The following ATP2B4 variants were observed in gnomAD, a reference collection of about 807,000 sequenced individuals.
ATP2B4 encodes the protein ATPase plasma membrane Ca2+ transporting 4, also known as plasma membrane calcium-transporting ATPase 4.
ATP2B4 carries 39 observed loss-of-function variants against 110.3 expected under a neutral mutation model. The observed-to-expected ratio is 0.35, with a 90% confidence interval of 0.27 to 0.46. The LOEUF is 0.46. Ranked by LOEUF, ATP2B4 falls within the 20% of genes least tolerant of loss-of-function variation. The pLI is 1.00. For missense variants in ATP2B4, 1,135 were observed against 1,530.9 expected, an observed-to-expected ratio of 0.74 and a Z score of 4.32; for synonymous variants, 538 against 571.7, an observed-to-expected ratio of 0.94 and a Z score of 0.84.
chr1:203,704,467 CTTTTTTTTTTT>C (rs35019828), intron 8 of ATP2B4, among the ~76,000 whole-genome samples: 769 of 68,754 alleles, frequency 0.011, 11 homozygotes, highest in Admixed American at 0.055. Context: ...AAGGAACAGT[CTTTTTTTTTTT>C]TTTTTTTTTT....
rs1438368230 is a variant in ATP2B4, at chr1:203,722,735, G to A, written c.3024+46G>A. On this transcript the variant is annotated intron_variant, in intron 18 of 20. Transcript: ENST00000357681. ...GGGGCAGGAGATCTGGAATGATAAA[G>A]GGCAGAAGCTGGGAGCCAGGGTTCC... 10 of 1,588,070 alleles carry A rather than the reference G, an allele frequency of 6.3e-6. 1 individual carries two copies. Among genetic ancestry groups the A allele is most frequent in the South Asian group, 2.2e-5 (2 of 89,716 alleles).
intron 20 of ATP2B4, among the ~76,000 whole-genome samples, chr1:203,735,925 A>C (rs1666866580): frequency 6.6e-6 from 1 of 152,212 alleles, no homozygotes; most frequent in Non-Finnish European, 1.5e-5. Flanking sequence ...CTTGTAGAGC[A>C]GCTGGTAGAG....
intron 17 of ATP2B4, among the ~76,000 whole-genome samples, 181 bp from the exon 18 acceptor site, chr1:203,722,297 G>C (rs906300087): frequency 6.6e-6 from 1 of 152,134 alleles, no homozygotes; most frequent in African/African-American, 2.4e-5. Flanking sequence ...TCATGCCACT[G>C]CGCTCCAGCC....
At chr1:203,689,819 C>T (rs147968350) in intron 2 of ATP2B4, among the ~76,000 whole-genome samples, 29 of 152,276 alleles carry the variant, frequency 1.9e-4, no homozygotes, top group South Asian at 8.3e-4. Context: ...GGAAGAGCAG[C>T]GTCTATGGGA....
chr1:203,642,629 C>T (rs887464332), intron 1 of ATP2B4, among the ~76,000 whole-genome samples: 1 of 152,142 alleles, frequency 6.6e-6, no homozygotes, highest in Non-Finnish European at 1.5e-5. Context: ...TTTTCAGCCC[C>T]GGGGGTCAGA....
chr1:203,738,850 C>T (rs541431508), intron 20 of ATP2B4, among the ~76,000 whole-genome samples: 3 of 152,176 alleles, frequency 2.0e-5, no homozygotes, highest in South Asian at 2.1e-4. Context: ...GTGTTATTTG[C>T]GGGGAGGGGA....
chr1:203,646,502 G>T (rs371289609), intron 1 of ATP2B4, among the ~76,000 whole-genome samples: 2 of 152,142 alleles, frequency 1.3e-5, no homozygotes, highest in South Asian at 4.2e-4. Context: ...AGTGGCTCAC[G>T]CCTGTAATCC....
intron 20 of ATP2B4, among the ~76,000 whole-genome samples, chr1:203,727,942 A>G (rs1474093652): frequency 6.6e-6 from 1 of 152,224 alleles, no homozygotes; most frequent in Non-Finnish European, 1.5e-5. Context: ...TTCAGAAGGA[A>G]GGAGTTAGAC....
At chr1:203,657,395 C>A in intron 1 of ATP2B4, 1 of 751,194 alleles carries the variant, frequency 1.3e-6, no homozygotes, top group East Asian at 2.4e-5. Context: ...GAGGGACTTC[C>A]CGTTTTCCCA....
At chr1:203,680,541 G>A (rs199570327) in intron 1 of ATP2B4, among the ~76,000 whole-genome samples, 2 of 150,790 alleles carry the variant, frequency 1.3e-5, no homozygotes, top group East Asian at 2.0e-4. Context: ...CCCGGGAGGT[G>A]GAGCTTGCCG....
chr1:203,627,899 T>C (rs1243313282), intron 1 of ATP2B4, among the ~76,000 whole-genome samples: 1 of 152,180 alleles, frequency 6.6e-6, no homozygotes, highest in East Asian at 1.9e-4. Context: ...ACATGTATAA[T>C]TAGCTGTGGA....
intron 1 of ATP2B4, among the ~76,000 whole-genome samples, chr1:203,659,942 C>T (rs1230861975): frequency 1.3e-5 from 2 of 151,872 alleles, no homozygotes; most frequent in Admixed American, 6.6e-5. Flanking sequence ...ATTAGCCGGG[C>T]GTGGTGGCAG....
intron 6 of ATP2B4, among the ~76,000 whole-genome samples, chr1:203,701,604 C>A (rs375239553): frequency 7.9e-5 from 12 of 152,218 alleles, no homozygotes; most frequent in East Asian, 3.9e-4. Flanking sequence ...AAAACACATT[C>A]TCTCAGGAAC....
At chr1:203,633,295 T>C (rs569382294) in intron 1 of ATP2B4, among the ~76,000 whole-genome samples, 4 of 152,308 alleles carry the variant, frequency 2.6e-5, no homozygotes, top group Non-Finnish European at 5.9e-5. Context: ...GGGAAAACTC[T>C]GAACAGAAAT....
At chr1:203,643,449 T>C (rs1323978446) in intron 1 of ATP2B4, among the ~76,000 whole-genome samples, 1 of 152,156 alleles carries the variant, frequency 6.6e-6, no homozygotes, top group Non-Finnish European at 1.5e-5. Context: ...TGCCCCTGGA[T>C]AAACAAGCAA....
chr1:203,722,484 A>G lies in ATP2B4; in HGVS notation c.2819A>G (p.Lys940Arg), dbSNP rs138580420. Reference sequence around the variant, plus strand: ...CTTCTCCTCTCCCCACTAGGTGAGAAATTCTTTGATATTGATAGTGGGAGG... The same window carrying G: ...CTTCTCCTCTCCCCACTAGGTGAGAGATTCTTTGATATTGATAGTGGGAGG... The part of the protein sequence containing the change: ...VIFILVFAGE[K>R]FFDIDSGRKA... The change falls in exon 18 of 21, where the codon AAA becomes AGA. Residue 940 changes from lysine to arginine, a missense_variant. By Grantham distance (26) the Lys-to-Arg change is conservative (BLOSUM62 2). Around this residue, in one of 9 missense-constraint regions of ATP2B4, gnomAD observed 155 missense variants for 186.2 expected, o/e 0.83. Transcript: ENST00000357681. The G allele has an allele frequency of 2.5e-3, 4,015 of 1,612,948 alleles. 11 individuals are homozygous for G. Among genetic ancestry groups the G allele is most frequent in the Non-Finnish European group, 3.0e-3 (3,539 of 1,178,946 alleles).
chr1:203,664,461 A>G (rs1215814075), intron 1 of ATP2B4, among the ~76,000 whole-genome samples: 1 of 152,234 alleles, frequency 6.6e-6, no homozygotes, highest in Non-Finnish European at 1.5e-5. Flanking sequence ...GCCTTTGCAC[A>G]TGAAAAAAGT....
chr1:203,692,386 C>T (rs1665406665), intron 2 of ATP2B4, among the ~76,000 whole-genome samples: 1 of 152,048 alleles, frequency 6.6e-6, no homozygotes, highest in African/African-American at 2.4e-5. Context: ...TCCGTATTGC[C>T]CCGGCTGGTC....
At chr1:203,636,506 C>T (rs1663443333) in intron 1 of ATP2B4, among the ~76,000 whole-genome samples, 2 of 152,148 alleles carry the variant, frequency 1.3e-5, no homozygotes, top group Non-Finnish European at 2.9e-5. Flanking sequence ...TAGTCAATTC[C>T]CCTTCTGTGT....
Sources: allele counts gnomAD v4.1 joint callset (sites outside exome capture counted in the v4.1 genomes callset), GRCh38; gene constraint gnomAD v4.1.1; regional missense constraint gnomAD v4.1.1; transcripts MANE v1.5; gene names NCBI Gene and HGNC (gene_info 2026-07-23, HGNC 2026-07-21).